PRKCQ: variants seen among roughly 807,000 people sequenced by gnomAD.
PRKCQ encodes protein kinase C theta type.
A neutral mutation model predicts 91.2 loss-of-function variants in PRKCQ; 41 were observed. The observed-to-expected ratio is 0.45, with a 90% CI of 0.35 to 0.58. PRKCQ has a LOEUF of 0.58. PRKCQ is among the 20% of genes least tolerant of loss of function. PRKCQ has a pLI of 0.00. For synonymous variants in PRKCQ, 307 were observed against 316.9 expected (o/e 0.97, Z 0.33); for missense variants, 673 against 896.5 (o/e 0.75, Z 3.18).
intron 1 of PRKCQ, among the ~76,000 whole-genome samples, chr10:6,518,048 A>G (rs1838843323): frequency 6.6e-6 from 1 of 152,242 alleles, no homozygotes; most frequent in Non-Finnish European, 1.5e-5. Flanking sequence ...CAGGAGTTGC[A>G]GCAGGGAGGA....
At chr10:6,567,235 G>C (rs1840866723) in intron 1 of PRKCQ, among the ~76,000 whole-genome samples, 1 of 152,142 alleles carries the variant, frequency 6.6e-6, no homozygotes, top group Admixed American at 6.5e-5. Flanking sequence ...TAACACAATA[G>C]GACACTTAAA....
chr10:6,450,399 A>G, intron 15 of PRKCQ, among the ~76,000 whole-genome samples: 1 of 152,128 alleles, frequency 6.6e-6, no homozygotes, highest in East Asian at 1.9e-4. Context: ...ATATATATGC[A>G]TCCAATACAG....
chr10:6,433,782 T>A (rs1302754595), intron 16 of PRKCQ, among the ~76,000 whole-genome samples: 2 of 151,968 alleles, frequency 1.3e-5, no homozygotes, highest in Admixed American at 1.3e-4. Flanking sequence ...TGTAATCCCG[T>A]CACTTTGGGA....
intron 8 of PRKCQ, chr10:6,489,399 A>C (rs779048360): frequency 1.7e-5 from 9 of 530,264 alleles, no homozygotes; most frequent in South Asian, 1.1e-4. Flanking sequence ...TTACTAACCT[A>C]TCAGGCCGTA....
chr10:6,555,884 C>G (rs1377171049), intron 1 of PRKCQ, among the ~76,000 whole-genome samples: 1 of 152,056 alleles, frequency 6.6e-6, no homozygotes, highest in African/African-American at 2.4e-5. Flanking sequence ...TGGTGGATGC[C>G]TGTAATCTCA....
At chr10:6,492,296 A>G (rs1327480631) in intron 7 of PRKCQ, among the ~76,000 whole-genome samples, 2 of 152,004 alleles carry the variant, frequency 1.3e-5, no homozygotes, top group African/African-American at 4.8e-5. Context: ...GTTTATCAGT[A>G]TTACTGCCTA....
intron 12 of PRKCQ, among the ~76,000 whole-genome samples, chr10:6,478,517 A>G (rs1333456970): frequency 2.0e-5 from 3 of 152,220 alleles, no homozygotes; most frequent in South Asian, 4.1e-4. Context: ...ATGCAGACGC[A>G]TCCAACCTCC....
At chr10:6,412,768 C>A in the PRKCQ span, among the ~76,000 whole-genome samples, 1 of 152,168 alleles carries the variant, frequency 6.6e-6, no homozygotes, top group African/African-American at 2.4e-5. Context: ...AACCTCCTGA[C>A]CAATGTGCAC....
chr10:6,415,746 CT>C, the PRKCQ span, among the ~76,000 whole-genome samples: 5,370 of 140,104 alleles, frequency 0.038, 130 homozygotes, highest in African/African-American at 0.063. Flanking sequence ...CTCTCTCTCT[CT>C]TTTTTTTTTT....
At chr10:6,483,400 C>A in intron 11 of PRKCQ, 40 bp downstream of exon 11, 1 of 1,612,486 alleles carries the variant, frequency 6.2e-7, no homozygotes, top group East Asian at 2.2e-5. Flanking sequence ...TCATCAGTTC[C>A]TGGAGTTGGG....
At chr10:6,446,021 A>G (rs1430939527) in intron 15 of PRKCQ, among the ~76,000 whole-genome samples, 2 of 152,200 alleles carry the variant, frequency 1.3e-5, no homozygotes, top group African/African-American at 4.8e-5. Flanking sequence ...TTGGTAAAAA[A>G]TTTCAGTTTT....
chr10:6,569,017 C>A (rs1840939761), intron 1 of PRKCQ, among the ~76,000 whole-genome samples: 1 of 152,146 alleles, frequency 6.6e-6, no homozygotes, highest in African/African-American at 2.4e-5. Flanking sequence ...TCTTCCAAGA[C>A]AATAGTAATT....
In PRKCQ at chr10:6,497,584, C is replaced by A. The variant is rs1372791979; in HGVS notation, c.543-333G>T. On this transcript the variant is annotated intron_variant, in intron 5 of 17. Coordinates refer to ENST00000263125, the MANE Select transcript of PRKCQ (RefSeq NM_006257.5). The surrounding 1 kb of genome is among the most constrained non-coding windows in gnomAD (Gnocchi z 4.5). ...TGTGCTAGATTTAAAAATTCATGGCCTCGCTGAGCTCACTACAGACGAACA... is the reference window on the plus strand; with the variant it reads ...TGTGCTAGATTTAAAAATTCATGGCATCGCTGAGCTCACTACAGACGAACA... Among the ~76,000 whole-genome samples the A allele has an allele frequency of 6.6e-6, 1 of 152,162 alleles. No homozygotes were observed. The highest frequency in any genetic ancestry group is 1.5e-5 in the Non-Finnish European group (1 of 68,016).
At position 6,496,077 on chromosome 10, in the gene PRKCQ, G is replaced by A. The variant is rs150761918; in HGVS notation, c.660+958C>T. Among the ~76,000 whole-genome samples the A allele has an allele frequency of 3.2e-3, 483 of 151,984 alleles. 5 individuals carry two copies. The highest frequency in any genetic ancestry group is 0.011 in the African/African-American group (468 of 41,422). ...CTAAAAATACGAAAATTAGCCAGGC[G>A]TGGTGGCATATGCCCGTAATCCCAG... On this transcript the variant is annotated intron_variant, in intron 7 of 17. Coordinates refer to ENST00000263125, the MANE Select transcript of PRKCQ (RefSeq NM_006257.5).
chr10:6,485,092 G>A, intron 10 of PRKCQ, 60 bp downstream of exon 10: 1 of 1,435,996 alleles, frequency 7.0e-7, no homozygotes, highest in Non-Finnish European at 9.8e-7. Context: ...AAGGGCATTA[G>A]GTTAGGGTTA....
chr10:6,570,117 A>C, intron 1 of PRKCQ, among the ~76,000 whole-genome samples: 1 of 152,186 alleles, frequency 6.6e-6, no homozygotes, highest in Non-Finnish European at 1.5e-5. Context: ...CCCAGGATGC[A>C]TGTGTGCTCA....
chr10:6,501,373 A>G (rs1200044879), intron 4 of PRKCQ, among the ~76,000 whole-genome samples: 2 of 152,000 alleles, frequency 1.3e-5, no homozygotes, highest in East Asian at 3.9e-4. Flanking sequence ...GAGAAGGAAG[A>G]GTTGAGGATG....
At chr10:6,428,392 G>GAA in intron 17 of PRKCQ, 30 bp from the exon 18 acceptor site, 3 of 1,599,678 alleles carry the variant, frequency 1.9e-6, no homozygotes, top group Non-Finnish European at 1.7e-6. Flanking sequence ...AAGAAAGAAA[G>GAA]AGAAGAAAAA....
the PRKCQ span, among the ~76,000 whole-genome samples, chr10:6,417,995 C>G: frequency 6.6e-6 from 1 of 152,204 alleles, no homozygotes; most frequent in South Asian, 2.1e-4. Flanking sequence ...CTCCCAGAGG[C>G]GCGCCTTCTT....
Sources: gnomAD v4.1 joint callset for allele counts (sites outside exome capture counted in the v4.1 genomes callset) on GRCh38, gnomAD v4.1.1 for gene constraint, Gnocchi (gnomAD v3.1) non-coding constraint, MANE v1.5 for transcripts, NCBI Gene and HGNC (gene_info 2026-07-23, HGNC 2026-07-21) for gene names.